The following RSPO2 variants were observed in gnomAD, a reference collection of about 807,000 sequenced individuals.
RSPO2 encodes the protein R-spondin 2, also known as R-spondin-2.
RSPO2 carries 14 observed loss-of-function variants against 30.9 expected under a neutral mutation model. The ratio of observed to expected loss-of-function variants is 0.45; its 90% CI spans 0.30 to 0.71. The LOEUF is 0.71. Among genes scored for constraint, RSPO2 ranks in the 30% least tolerant of loss-of-function variants. The probability of loss-of-function intolerance (pLI) is 0.08; values close to 1 mark genes in which losing one functional copy is unlikely to be tolerated. For missense variants in RSPO2, 264 were observed against 301.9 expected (o/e 0.87, Z 0.93); for synonymous variants, 107 against 96.4 (o/e 1.11, Z -0.64).
chr8:107,920,272 TA>T (rs957809507), intron 5 of RSPO2, among the ~76,000 whole-genome samples: 5 of 152,240 alleles, frequency 3.3e-5, no homozygotes, highest in African/African-American at 4.8e-5. Flanking sequence ...CATTTAATAA[TA>T]ATTCACTGAG....
At chr8:108,048,948 A>G (rs751899648) in intron 2 of RSPO2, among the ~76,000 whole-genome samples, 60 of 152,026 alleles carry the variant, frequency 3.9e-4, no homozygotes, top group Non-Finnish European at 5.7e-4. Flanking sequence ...TTCAGGAGCA[A>G]GTTGTTCAGT....
chr8:108,039,192 T>G (rs1811683251), intron 2 of RSPO2, among the ~76,000 whole-genome samples: 1 of 152,198 alleles, frequency 6.6e-6, no homozygotes, highest in South Asian at 2.1e-4. Context: ...GATTCTCATC[T>G]TCATATATTA....
intron 2 of RSPO2, among the ~76,000 whole-genome samples, chr8:108,040,768 C>T (rs959750889): frequency 1.3e-5 from 2 of 152,002 alleles, no homozygotes; most frequent in Admixed American, 6.6e-5. Flanking sequence ...TTGATCTGGG[C>T]AGGAGTGCTG....
At chr8:108,030,612 G>A (rs543127870) in intron 2 of RSPO2, among the ~76,000 whole-genome samples, 8 of 152,232 alleles carry the variant, frequency 5.3e-5, no homozygotes, top group South Asian at 2.1e-4. Context: ...GCTTAAATAC[G>A]CCTTACTCAC....
chr8:108,016,187 T>A (rs1389958543), intron 2 of RSPO2, among the ~76,000 whole-genome samples: 1 of 152,202 alleles, frequency 6.6e-6, no homozygotes, highest in African/African-American at 2.4e-5. Flanking sequence ...TTTTCTGGCA[T>A]ATAGGGTCTC....
At chr8:108,029,203 C>G (rs921333958) in intron 2 of RSPO2, among the ~76,000 whole-genome samples, 4 of 151,188 alleles carry the variant, frequency 2.6e-5, no homozygotes, top group Admixed American at 6.6e-5. Flanking sequence ...TACAGCCATA[C>G]TTATTCCTTT....
chr8:108,000,989 C>T (rs192049742), intron 2 of RSPO2, among the ~76,000 whole-genome samples: 4 of 141,606 alleles, frequency 2.8e-5, no homozygotes, highest in Admixed American at 7.4e-5. Flanking sequence ...GTGACAAGAG[C>T]GACACTCTGT....
At chr8:107,945,952 T>C (rs1440657815) in intron 5 of RSPO2, among the ~76,000 whole-genome samples, 1 of 152,206 alleles carries the variant, frequency 6.6e-6, no homozygotes, top group Admixed American at 6.5e-5. Flanking sequence ...CCTTTGTATA[T>C]GTTGACACAT....
intron 5 of RSPO2, among the ~76,000 whole-genome samples, chr8:107,908,302 C>T (rs540390748): frequency 1.6e-4 from 24 of 152,178 alleles, no homozygotes; most frequent in African/African-American, 4.3e-4. Context: ...TTCTTAAATC[C>T]GTAGTCCGTC....
chr8:108,054,571 A>G lies in RSPO2; in HGVS notation c.94+27974T>C, dbSNP rs558676923. On this transcript the variant is annotated intron_variant, in intron 2 of 5. Transcript: ENST00000276659. ...AACATAGTCTAGCGACAGCCCCAAG[A>G]GGCAAAAGAAAAGGATTTTGATAGA... Among the ~76,000 whole-genome samples the G allele has an allele frequency of 6.6e-5, 10 of 152,320 alleles. No homozygotes were observed. The East Asian group carries it at 1.5e-3, about 24-fold the overall frequency.
chr8:108,081,679 A>G (rs1465637289), intron 2 of RSPO2, among the ~76,000 whole-genome samples: 1 of 152,114 alleles, frequency 6.6e-6, no homozygotes, highest in Non-Finnish European at 1.5e-5. Context: ...AATCTGCAGG[A>G]AAGCGAGTTC....
intron 2 of RSPO2, among the ~76,000 whole-genome samples, chr8:108,051,973 G>A (rs1354258281): frequency 3.3e-5 from 5 of 152,178 alleles, no homozygotes; most frequent in Non-Finnish European, 5.9e-5. Context: ...AGCAATGCAC[G>A]TGTTATATTG....
chr8:108,011,646 G>T (rs1810714968), intron 2 of RSPO2, among the ~76,000 whole-genome samples: 1 of 152,138 alleles, frequency 6.6e-6, no homozygotes, highest in Non-Finnish European at 1.5e-5. Context: ...ATTGAGAAAA[G>T]AAAAAAGTTC....
intron 2 of RSPO2, among the ~76,000 whole-genome samples, chr8:108,065,787 C>T (rs1298309519): frequency 6.6e-6 from 1 of 152,138 alleles, no homozygotes; most frequent in Non-Finnish European, 1.5e-5. Flanking sequence ...TCTGTAATCC[C>T]AGCACTTTGG....
At chr8:108,050,269 G>A (rs1265864595) in intron 2 of RSPO2, among the ~76,000 whole-genome samples, 2 of 152,068 alleles carry the variant, frequency 1.3e-5, no homozygotes, top group Non-Finnish European at 2.9e-5. Context: ...GTAAGTTGCT[G>A]GAATATTGGT....
chr8:108,037,974 C>T (rs776498958), intron 2 of RSPO2, among the ~76,000 whole-genome samples: 7 of 152,132 alleles, frequency 4.6e-5, no homozygotes, highest in Non-Finnish European at 8.8e-5. Context: ...CATTATGTAG[C>T]CAGTGGATCA....
In RSPO2 at chr8:108,083,436, C is replaced by A. The variant is rs1417162681; in HGVS notation, c.-409G>T. 6.6e-6 allele frequency: 1 copy of A among 152,280 alleles called. No individual in the cohort carries two copies. The highest frequency in any genetic ancestry group is 1.5e-5 in the Non-Finnish European group (1 of 68,086). The allele number at this position is 152,280 out of a possible 1,614,324, so 9.4% of individuals were successfully genotyped here. A position where few individuals can be genotyped will look rare whatever the true frequency, so the allele number is the denominator to read the frequency against. On this transcript the variant is annotated 5_prime_UTR_variant, in exon 1 of 6. Coordinates refer to ENST00000276659, the MANE Select transcript of RSPO2 (RefSeq NM_178565.5). ...CCCGCCCGCGAGCGCGGTCCCCAGG[C>A]AAGGGGTGCGCCCGCTCACACTCTC...
At chr8:108,079,584 T>C (rs1414944541) in intron 2 of RSPO2, among the ~76,000 whole-genome samples, 1 of 152,068 alleles carries the variant, frequency 6.6e-6, no homozygotes, top group African/African-American at 2.4e-5. Context: ...TTTTATTTCA[T>C]TAAGAAAATG....
At chr8:108,025,475 A>G (rs890095345) in intron 2 of RSPO2, among the ~76,000 whole-genome samples, 29 of 152,216 alleles carry the variant, frequency 1.9e-4, no homozygotes, top group African/African-American at 6.3e-4. Context: ...AAAATAAACC[A>G]TGAATCTATA....
Sources: gnomAD v4.1 joint callset for allele counts (sites outside exome capture counted in the v4.1 genomes callset) on GRCh38, gnomAD v4.1.1 for gene constraint, MANE v1.5 for transcripts, NCBI Gene and HGNC (gene_info 2026-07-23, HGNC 2026-07-21) for gene names.